FGF12: variants seen among roughly 807,000 people sequenced by gnomAD.
The protein encoded by FGF12 is fibroblast growth factor 12.
Under a neutral mutation model 23.6 loss-of-function variants are expected in FGF12, and 14 were observed. The ratio of observed to expected loss-of-function variants is 0.59; its 90% CI spans 0.39 to 0.93. FGF12 has a LOEUF of 0.93. Ranked by LOEUF, FGF12 falls within the 40% of genes least tolerant of loss-of-function variation. The pLI, the probability that FGF12 is intolerant of heterozygous loss-of-function variation, is 0.00. For synonymous variants in FGF12, 62 were observed against 77.3 expected (o/e 0.80, Z 1.04); for missense variants, 175 against 217.8 (o/e 0.80, Z 1.24).
chr3:192,362,915 A>ACTTT, intron 2 of FGF12, among the ~76,000 whole-genome samples: 1 of 152,290 alleles, frequency 6.6e-6, no homozygotes, highest in South Asian at 2.1e-4. Flanking sequence ...AGTACAGGAT[A>ACTTT]TAAAACAATA....
At chr3:192,199,239 T>C (rs1717235529) in intron 4 of FGF12, among the ~76,000 whole-genome samples, 2 of 152,216 alleles carry the variant, frequency 1.3e-5, no homozygotes, top group Admixed American at 1.3e-4. Context: ...TCTAAGAGCC[T>C]ATGAGCCTAA....
intron 2 of FGF12, among the ~76,000 whole-genome samples, chr3:192,465,690 C>A (rs1190735312): frequency 6.6e-6 from 1 of 152,226 alleles, no homozygotes; most frequent in Non-Finnish European, 1.5e-5. Flanking sequence ...AGGGTGCCTA[C>A]GTGACTGTCG....
At chr3:192,474,545 G>A (rs1015227349) in intron 2 of FGF12, among the ~76,000 whole-genome samples, 67 of 152,088 alleles carry the variant, frequency 4.4e-4, no homozygotes, top group African/African-American at 1.5e-3. Flanking sequence ...TACCTTTTTT[G>A]TTGGGTTCAC....
At chr3:192,558,699 A>G (rs1307473627) in intron 2 of FGF12, among the ~76,000 whole-genome samples, 1 of 151,990 alleles carries the variant, frequency 6.6e-6, no homozygotes, top group Non-Finnish European at 1.5e-5. Flanking sequence ...TGACTTCAAC[A>G]TATTACAAAG....
chr3:192,649,336 G>C (rs1044835981), intron 2 of FGF12, among the ~76,000 whole-genome samples: 5 of 152,072 alleles, frequency 3.3e-5, no homozygotes, highest in Non-Finnish European at 4.4e-5. Context: ...TTCAATGGGC[G>C]GAAAGAGCTA....
intron 2 of FGF12, among the ~76,000 whole-genome samples, chr3:192,651,852 G>A (rs1716224467): frequency 6.6e-6 from 1 of 152,162 alleles, no homozygotes; most frequent in African/African-American, 2.4e-5. Flanking sequence ...TACTGCGTGA[G>A]GTCCAGCAAC....
intron 2 of FGF12, among the ~76,000 whole-genome samples, chr3:192,624,232 C>T (rs1394192226): frequency 6.6e-6 from 1 of 151,638 alleles, no homozygotes; most frequent in African/African-American, 2.4e-5. Context: ...GAATGAAAAA[C>T]TAATAAAATC....
At chr3:192,418,323 G>C (rs1235537761) in intron 2 of FGF12, among the ~76,000 whole-genome samples, 1 of 152,016 alleles carries the variant, frequency 6.6e-6, no homozygotes, top group East Asian at 1.9e-4. Flanking sequence ...TGTATCTCTG[G>C]GGTGAGTTAG....
At chr3:192,345,739 G>A (rs1577374234) in intron 3 of FGF12, among the ~76,000 whole-genome samples, 1 of 151,476 alleles carries the variant, frequency 6.6e-6, no homozygotes, top group East Asian at 1.9e-4. Context: ...AACAATTCAA[G>A]TAGTTGTGAA....
At chr3:192,603,190 C>T (rs944297891) in intron 2 of FGF12, among the ~76,000 whole-genome samples, 4 of 152,174 alleles carry the variant, frequency 2.6e-5, no homozygotes, top group South Asian at 2.1e-4. Context: ...CCAGAGCAGT[C>T]GGACAAGAGA....
At chr3:192,186,224 G>T (rs1426560161) in intron 4 of FGF12, among the ~76,000 whole-genome samples, 1 of 152,178 alleles carries the variant, frequency 6.6e-6, no homozygotes, top group Non-Finnish European at 1.5e-5. Context: ...GGGACCTGGA[G>T]AGTATAAGGA....
intron 2 of FGF12, among the ~76,000 whole-genome samples, chr3:192,620,303 C>T (rs1280699663): frequency 6.6e-6 from 1 of 151,970 alleles, no homozygotes; most frequent in African/African-American, 2.4e-5. Flanking sequence ...TTCAAGGTTT[C>T]AATAGACTAA....
chr3:192,600,860 T>A (rs1714083808), intron 2 of FGF12, among the ~76,000 whole-genome samples: 1 of 151,972 alleles, frequency 6.6e-6, no homozygotes, highest in Non-Finnish European at 1.5e-5. Flanking sequence ...AAATGTAAAC[T>A]CATAACACCG....
chr3:192,465,372 A>T (rs549605154), intron 2 of FGF12, among the ~76,000 whole-genome samples: 1 of 152,338 alleles, frequency 6.6e-6, no homozygotes, highest in East Asian at 1.9e-4. Context: ...TATGGATATA[A>T]GGTGAATACA....
At chr3:192,593,674 T>C (rs1475339182) in intron 2 of FGF12, among the ~76,000 whole-genome samples, 1 of 151,944 alleles carries the variant, frequency 6.6e-6, no homozygotes, top group African/African-American at 2.4e-5. Context: ...AAAAACAATC[T>C]CACAAGAAGC....
At chr3:192,322,299 T>C in intron 4 of FGF12, among the ~76,000 whole-genome samples, 1 of 151,942 alleles carries the variant, frequency 6.6e-6, no homozygotes, top group East Asian at 1.9e-4. Flanking sequence ...CTATAAAATA[T>C]TGATTCAATA....
At chr3:192,551,908 A>T (rs1246052935) in intron 2 of FGF12, among the ~76,000 whole-genome samples, 1 of 152,142 alleles carries the variant, frequency 6.6e-6, no homozygotes, top group African/African-American at 2.4e-5. Flanking sequence ...CATGATAGAG[A>T]TGTTGGAATA....
intron 2 of FGF12, among the ~76,000 whole-genome samples, chr3:192,384,299 G>A (rs1032539677): frequency 6.6e-6 from 1 of 152,064 alleles, no homozygotes; most frequent in Non-Finnish European, 1.5e-5. Context: ...AAGAAATGTA[G>A]GCACTCTTTC....
Position 192,203,190 on chromosome 3 carries a change from T to C in FGF12, c.229-32534A>G, listed in dbSNP as rs376275670. Among the ~76,000 whole-genome samples, 16 of 152,068 alleles carry C rather than the reference T, an allele frequency of 1.1e-4. No individual in the cohort carries two copies. The East Asian group carries it at 1.7e-3, about 16-fold the overall frequency. On this transcript the variant is annotated intron_variant, in intron 4 of 5. Transcript: ENST00000445105. ...GCACACTAGGTAAAAATAATGTTCTTCTGTAGTTTAGAGGACTGATAGAAC... is the reference window on the plus strand; with the variant it reads ...GCACACTAGGTAAAAATAATGTTCTCCTGTAGTTTAGAGGACTGATAGAAC...
Sources: gnomAD v4.1 joint callset for allele counts (sites outside exome capture counted in the v4.1 genomes callset) on GRCh38, gnomAD v4.1.1 for gene constraint, MANE v1.5 for transcripts, NCBI Gene and HGNC (gene_info 2026-07-23, HGNC 2026-07-21) for gene names.